The following MISP variants were observed in gnomAD, a reference collection of about 807,000 sequenced individuals.
MISP encodes the protein mitotic spindle positioning, also known as mitotic interactor and substrate of PLK1.
Under a neutral mutation model 49.3 loss-of-function variants are expected in MISP, and 51 were observed. The ratio of observed to expected loss-of-function variants is 1.03; its 90% CI spans 0.83 to 1.31. The LOEUF (loss-of-function observed/expected upper bound fraction) is 1.31. MISP is among the 50% of genes most tolerant of loss of function. MISP has a pLI of 0.00. For synonymous variants in MISP, 444 were observed against 392.6 expected (o/e 1.13, Z -1.55); for missense variants, 1,084 against 935.1 (o/e 1.16, Z -2.08).
At position 757,852 on chromosome 19, in the gene MISP, G is replaced by C; in HGVS notation, c.906G>C (p.Glu302Asp). ...PIEREIRLAQ[E>D]READLREQRG... ...AGCGGGAGATCCGTCTGGCTCAGGA[G>C]CGTGAGGCAGACCTGCGAGAGCAGA... The change falls in exon 2 of 5, where the codon GAG (glutamate) becomes GAC (aspartate). Residue 302 changes from glutamate (E) to aspartate (D), a missense_variant. By Grantham distance (45) the Glu-to-Asp change is conservative. Coordinates refer to ENST00000215582, the MANE Select transcript of MISP (RefSeq NM_173481.4). The C allele has an allele frequency of 7.4e-6, 12 of 1,611,440 alleles. No homozygotes were observed. The highest frequency in any genetic ancestry group is 1.0e-5 in the Non-Finnish European group (12 of 1,179,678).
chr19:749,061 C>T (rs1272960223), upstream of MISP, among the ~76,000 whole-genome samples: 1 of 152,034 alleles, frequency 6.6e-6, no homozygotes, highest in African/African-American at 2.4e-5. Flanking sequence ...TCGCTTGAAC[C>T]TGGGAGGCGG....
chr19:753,548 G>A (rs1311309179), intron 1 of MISP, among the ~76,000 whole-genome samples: 1 of 151,534 alleles, frequency 6.6e-6, no homozygotes, highest in Admixed American at 6.6e-5. Flanking sequence ...AGCACACCCG[G>A]TTAATTTTTT....
At chr19:763,225 C>T (rs540546070) in intron 4 of MISP, among the ~76,000 whole-genome samples, 1 of 152,230 alleles carries the variant, frequency 6.6e-6, no homozygotes, top group Non-Finnish European at 1.5e-5. Context: ...TGCAGTGAGC[C>T]AAGATCGCGC....
intron 4 of MISP, 36 bp from the exon 5 acceptor site, chr19:763,465 A>T: frequency 6.7e-7 from 1 of 1,494,220 alleles, no homozygotes; most frequent in Non-Finnish European, 9.3e-7. Flanking sequence ...GTGTGGTAGG[A>T]CCTGGATCGG....
At chr19:761,237 G>A (rs1438945725) in intron 3 of MISP, among the ~76,000 whole-genome samples, 10 of 149,836 alleles carry the variant, frequency 6.7e-5, no homozygotes, top group East Asian at 2.0e-4. Context: ...TTACAGGTAC[G>A]TGCCACCACT....
chr19:751,656 T>C (rs1045710584), intron 1 of MISP, among the ~76,000 whole-genome samples: 37 of 152,034 alleles, frequency 2.4e-4, no homozygotes, highest in African/African-American at 8.7e-4. Flanking sequence ...GGTGGCTGAG[T>C]ACAGGCGGAA....
At chr19:761,854 G>A (rs1055403200) in intron 4 of MISP, among the ~76,000 whole-genome samples, 191 bp downstream of exon 4, 3 of 152,198 alleles carry the variant, frequency 2.0e-5, no homozygotes, top group Admixed American at 6.5e-5. Context: ...CATGGATTAG[G>A]AGAAGAGGGT....
intron 4 of MISP, 91 bp downstream of exon 4, chr19:761,754 G>A (rs2033676094): frequency 7.1e-7 from 1 of 1,405,602 alleles, no homozygotes; most frequent in South Asian, 1.2e-5. Context: ...CCTTCCTCCA[G>A]GTGTGGGGAT....
chr19:754,539 A>G (rs1214790876), intron 1 of MISP, among the ~76,000 whole-genome samples: 1 of 152,252 alleles, frequency 6.6e-6, no homozygotes, highest in East Asian at 1.9e-4. Flanking sequence ...AGGCAGGAGA[A>G]TTGCTTGAAC....
intron 4 of MISP, 103 bp from the exon 5 acceptor site, chr19:763,398 T>G: frequency 1.3e-6 from 1 of 763,228 alleles, no homozygotes; most frequent in Non-Finnish European, 2.3e-6. Context: ...GGGATCCTAC[T>G]TTACCCCCGT....
At chr19:755,154 A>T (rs2033529744) in intron 1 of MISP, among the ~76,000 whole-genome samples, 1 of 152,114 alleles carries the variant, frequency 6.6e-6, no homozygotes, top group South Asian at 2.1e-4. Flanking sequence ...TGCCCTGCAG[A>T]TGCCAGGAGC....
chr19:756,230 C>A (rs563950824), intron 1 of MISP, among the ~76,000 whole-genome samples: 105 of 152,270 alleles, frequency 6.9e-4, no homozygotes, highest in Middle Eastern at 6.8e-3. Flanking sequence ...ACAAGACCAG[C>A]GGGAAGAGGG....
intron 2 of MISP, 98 bp from the exon 3 acceptor site, chr19:759,811 C>A: frequency 7.1e-7 from 1 of 1,400,234 alleles, no homozygotes; most frequent in Non-Finnish European, 9.9e-7. Context: ...CTCTGTCTGT[C>A]CATACATCTG....
chr19:758,053 C>A lies in MISP; in HGVS notation c.1107C>A (p.Gly369=). 1 of 1,567,248 alleles carries A rather than the reference C, an allele frequency of 6.4e-7. No individual in the cohort carries two copies. Among genetic ancestry groups the A allele is most frequent in the Non-Finnish European group, 8.6e-7 (1 of 1,159,254 alleles). The stretch of plus-strand genomic sequence containing the variant: ...GTGAGGAAGACCACCGGCGGGAGGG[C>A]CTGCACGTGGGCCGGGCGTCCACAC... ...TQREEDHRRE[G]LHVGRASTPD... is the part of the protein sequence containing the mutation. The change falls in exon 2 of 5, where the codon GGC becomes GGA. Residue 369 remains glycine (G), a synonymous_variant. Coordinates refer to ENST00000215582, the MANE Select transcript of MISP (RefSeq NM_173481.4).
At chr19:760,513 GCA>G in intron 3 of MISP, 1 of 156,346 alleles carries the variant, frequency 6.4e-6, no homozygotes, top group Non-Finnish European at 1.4e-5. Flanking sequence ...TTACAGGCGT[GCA>G]CCACCACGCC....
At chr19:756,850 G>T in intron 1 of MISP, 40 bp from the exon 2 acceptor site, 1 of 1,030,434 alleles carries the variant, frequency 9.7e-7, no homozygotes, top group Non-Finnish European at 1.4e-6. Flanking sequence ...CTCCCTAGGT[G>T]CTCTGACTTG....
intron 3 of MISP, 110 bp from the exon 4 acceptor site, chr19:761,515 C>A: frequency 1.6e-6 from 2 of 1,242,308 alleles, no homozygotes; most frequent in Non-Finnish European, 2.4e-6. Flanking sequence ...CAGGGGATGC[C>A]TTCCACTCTT....
chr19:757,361 C>T lies in MISP; in HGVS notation c.415C>T (p.Leu139=). 5 of 1,613,314 alleles carry T rather than the reference C, an allele frequency of 3.1e-6. No individual in the cohort carries two copies. Among genetic ancestry groups the T allele is most frequent in the Non-Finnish European group, 4.2e-6 (5 of 1,179,750 alleles). ...CGCTGACCCCAGGAGGCTGTGTGAC[C>T]TGGAGCGGGAGCGCTGGGCCGTCAT... ...GDADPRRLCD[L]ERERWAVIQG... is the part of the protein sequence containing the mutation. Residue 139 remains leucine, a synonymous_variant, in exon 2 of 5, where the codon CTG becomes TTG. Coordinates refer to ENST00000215582, the MANE Select transcript of MISP (RefSeq NM_173481.4).
Position 758,469 on chromosome 19 carries a change from C to T in MISP, c.1523C>T (p.Pro508Leu), listed in dbSNP as rs755025473. The change falls in exon 2 of 5, where the codon CCT becomes CTT. Residue 508 changes from proline (P) to leucine (L), a missense_variant. By Grantham distance (98) the Pro-to-Leu change is moderately conservative. Transcript: ENST00000215582. ...VVRWEYFRLR[P>L]LRFRAPDEPQ... is the part of the protein sequence containing the mutation. ...CGGTGGGAGTACTTCCGCCTGCGTC[C>T]TCTGCGGTTCAGGGCCCCAGACGAG... 1 of 1,614,156 alleles carries T rather than the reference C, an allele frequency of 6.2e-7. No individual in the cohort carries two copies. The highest frequency in any genetic ancestry group is 8.5e-7 in the Non-Finnish European group (1 of 1,180,016).
Sources: allele counts gnomAD v4.1 joint callset (sites outside exome capture counted in the v4.1 genomes callset), GRCh38; gene constraint gnomAD v4.1.1; transcripts MANE v1.5; gene names NCBI Gene and HGNC (gene_info 2026-07-23, HGNC 2026-07-21).